SERPINB12: variants seen among roughly 807,000 people sequenced by gnomAD.
The protein encoded by SERPINB12 is serpin B12.
Under a neutral mutation model 41.1 loss-of-function variants are expected in SERPINB12, and 57 were observed. The observed-to-expected ratio is 1.39, with a 90% CI of 1.12 to 1.73. The LOEUF (loss-of-function observed/expected upper bound fraction) is 1.73. Among genes scored for constraint, SERPINB12 ranks in the 40% most tolerant of loss-of-function variants. The pLI, the probability that SERPINB12 is intolerant of heterozygous loss-of-function variation, is 0.00. For missense variants in SERPINB12, 536 were observed against 501.9 expected, an observed-to-expected ratio of 1.07 and a Z score of -0.65; for synonymous variants, 180 against 181.3, an observed-to-expected ratio of 0.99 and a Z score of 0.06.
upstream of SERPINB12, among the ~76,000 whole-genome samples, chr18:63,538,769 C>T (rs1037965251): frequency 2.6e-5 from 4 of 152,140 alleles, no homozygotes; most frequent in Admixed American, 6.6e-5. Context: ...AACTGCCAGA[C>T]TGTTTTCCAA....
intron 3 of SERPINB12, among the ~76,000 whole-genome samples, chr18:63,559,054 CT>C (rs1270535080): frequency 1.1e-5 from 1 of 89,858 alleles, no homozygotes; most frequent in African/African-American, 3.1e-5. Context: ...TTCTTTCTTT[CT>C]TTCTCTCCTT....
At chr18:63,542,809 G>A (rs1381976539) in intron 1 of SERPINB12, among the ~76,000 whole-genome samples, 1 of 152,104 alleles carries the variant, frequency 6.6e-6, no homozygotes, top group Non-Finnish European at 1.5e-5. Context: ...TCACCCTCAA[G>A]TAGGTCCCAG....
intron 1 of SERPINB12, among the ~76,000 whole-genome samples, chr18:63,546,495 G>A (rs1353311789): frequency 6.6e-6 from 1 of 152,188 alleles, no homozygotes; most frequent in Non-Finnish European, 1.5e-5. Context: ...CAAAAACTTT[G>A]AAGTAGCTTA....
intron 1 of SERPINB12, among the ~76,000 whole-genome samples, chr18:63,546,627 G>T (rs1910394122): frequency 6.6e-6 from 1 of 150,588 alleles, no homozygotes; most frequent in African/African-American, 2.5e-5. Flanking sequence ...CTGCTTCATG[G>T]TCTTCTAGTA....
At position 63,569,029 on chromosome 18, in the gene SERPINB12, T is replaced by C. The variant is rs1428869964; in HGVS notation, c.*2018T>C. Among the ~76,000 whole-genome samples, 1 of 152,184 alleles carries C rather than the reference T, an allele frequency of 6.6e-6. No individual in the cohort carries two copies. Among genetic ancestry groups the C allele is most frequent in the African/African-American group, 2.4e-5 (1 of 41,440 alleles). ...GTTGACGTTTTGGGGGCTGTTTCCATGTCTGACTTGGCACCACTGCCCGAC... is the reference window on the plus strand; with the variant it reads ...GTTGACGTTTTGGGGGCTGTTTCCACGTCTGACTTGGCACCACTGCCCGAC... On this transcript the variant is annotated 3_prime_UTR_variant, in exon 8 of 8. Coordinates refer to ENST00000382768, the MANE Select transcript of SERPINB12 (RefSeq NM_001307928.2).
chr18:63,543,549 A>C (rs1599411635), intron 1 of SERPINB12, among the ~76,000 whole-genome samples: 1 of 152,034 alleles, frequency 6.6e-6, no homozygotes, highest in East Asian at 1.9e-4. Context: ...GCTTGGGGTT[A>C]AGATCTAATC....
At position 63,556,088 on chromosome 18, in the gene SERPINB12, C is replaced by T. The variant is rs923024168; in HGVS notation, c.-18-54C>T. Reference sequence around the variant, plus strand: ...GGTATGTAAAATAAAATTGTTTGTTCACTTATTTTCTTCCAATCACCATTT... The same window carrying T: ...GGTATGTAAAATAAAATTGTTTGTTTACTTATTTTCTTCCAATCACCATTT... On this transcript the variant is annotated intron_variant, in intron 1 of 7. Coordinates refer to ENST00000382768, the MANE Select transcript of SERPINB12 (RefSeq NM_001307928.2). 5.6e-5 allele frequency: 71 copies of T among 1,273,572 alleles called. No homozygotes were observed. The Admixed American group carries it at 1.3e-3, about 23-fold the overall frequency. The allele number at this position is 1,273,572 out of a possible 1,614,324, so 78.9% of individuals were successfully genotyped here. A position where few individuals can be genotyped will look rare whatever the true frequency, so the allele number is the denominator to read the frequency against.
At chr18:63,523,489 C>T in the SERPINB12 span, among the ~76,000 whole-genome samples, 1 of 152,150 alleles carries the variant, frequency 6.6e-6, no homozygotes, top group Non-Finnish European at 1.5e-5. Context: ...TGCTTGAATT[C>T]AGTCAAGCAC....
chr18:63,526,504 A>C, the SERPINB12 span, among the ~76,000 whole-genome samples: 2 of 152,144 alleles, frequency 1.3e-5, no homozygotes, highest in South Asian at 4.1e-4. Context: ...TTTTAGTCAT[A>C]AGACAGTAAA....
At chr18:63,556,098 C>T in intron 1 of SERPINB12, 44 bp from the exon 2 acceptor site, 2 of 1,390,910 alleles carry the variant, frequency 1.4e-6, no homozygotes, top group Non-Finnish European at 1.0e-6. Context: ...CACTTATTTT[C>T]TTCCAATCAC....
intron 1 of SERPINB12, among the ~76,000 whole-genome samples, chr18:63,546,120 T>C (rs1422897019): frequency 2.6e-5 from 4 of 152,196 alleles, no homozygotes; most frequent in Non-Finnish European, 4.4e-5. Context: ...TCTCTACACC[T>C]AATGTATTTG....
chr18:63,560,146 T>C (rs976034245), intron 4 of SERPINB12, among the ~76,000 whole-genome samples: 1 of 152,120 alleles, frequency 6.6e-6, no homozygotes, highest in African/African-American at 2.4e-5. Context: ...AATGCAATTG[T>C]GTTCACTATG....
chr18:63,527,403 A>C, the SERPINB12 span, among the ~76,000 whole-genome samples: 1 of 152,106 alleles, frequency 6.6e-6, no homozygotes, highest in African/African-American at 2.4e-5. Flanking sequence ...CAGTTCCATT[A>C]CTCTAAGTGA....
At chr18:63,555,370 A>G (rs556377901) in intron 1 of SERPINB12, among the ~76,000 whole-genome samples, 1 of 152,272 alleles carries the variant, frequency 6.6e-6, no homozygotes, top group African/African-American at 2.4e-5. Flanking sequence ...AACCAGCCAC[A>G]ATCTGTGGAG....
the SERPINB12 span, among the ~76,000 whole-genome samples, chr18:63,522,589 T>G: frequency 3.3e-5 from 5 of 152,332 alleles, no homozygotes; most frequent in Admixed American, 2.6e-4. Flanking sequence ...ATGTAATTAA[T>G]TTTTTGTTTT....
intron 5 of SERPINB12, 148 bp downstream of exon 5, chr18:63,561,350 C>T: frequency 1.7e-6 from 1 of 590,958 alleles, no homozygotes; most frequent in South Asian, 2.3e-5. Context: ...GAATGAGATA[C>T]CATCTCACAC....
At position 63,568,095 on chromosome 18, in the gene SERPINB12, TTGGCTGGGCATGA is replaced by T. The variant is rs1163198584; in HGVS notation, c.*1090_*1102del. ...GGCATGGTGTCCATAGCAATGCTTGTTGGCTGGGCATGATGGCTCATGCCTGCAATCCCAGCAC... is the reference window on the plus strand; with the variant it reads ...GGCATGGTGTCCATAGCAATGCTTGTTGGCTCATGCCTGCAATCCCAGCAC... On this transcript the variant is annotated 3_prime_UTR_variant, in exon 8 of 8. Coordinates refer to ENST00000382768, the MANE Select transcript of SERPINB12 (RefSeq NM_001307928.2). Among the ~76,000 whole-genome samples, 1 of 152,198 alleles carries T rather than the reference TTGGCTGGGCATGA, an allele frequency of 6.6e-6. No homozygotes were observed. Among genetic ancestry groups the T allele is most frequent in the Non-Finnish European group, 1.5e-5 (1 of 68,026 alleles).
At chr18:63,552,118 A>G (rs969203629) in intron 1 of SERPINB12, among the ~76,000 whole-genome samples, 2 of 152,118 alleles carry the variant, frequency 1.3e-5, no homozygotes, top group Non-Finnish European at 2.9e-5. Flanking sequence ...AATCAAGACG[A>G]GTGTGGGTTC....
chr18:63,532,483 A>C, the SERPINB12 span, among the ~76,000 whole-genome samples: 1 of 152,170 alleles, frequency 6.6e-6, no homozygotes, highest in Non-Finnish European at 1.5e-5. Context: ...GGGGTACAGC[A>C]AGAGAATGCT....
Sources: gnomAD v4.1 joint callset for allele counts (sites outside exome capture counted in the v4.1 genomes callset) on GRCh38, gnomAD v4.1.1 for gene constraint, MANE v1.5 for transcripts, NCBI Gene and HGNC (gene_info 2026-07-23, HGNC 2026-07-21) for gene names.